ARHGAP10: variants seen among roughly 807,000 people sequenced by gnomAD.
The protein encoded by ARHGAP10 is Rho GTPase activating protein 10.
Under a neutral mutation model 108.6 loss-of-function variants are expected in ARHGAP10, and 87 were observed. The ratio of observed to expected loss-of-function variants is 0.80; its 90% CI spans 0.67 to 0.96. The LOEUF (loss-of-function observed/expected upper bound fraction) is 0.96, where lower values mean the gene tolerates loss of function less well. Among genes scored for constraint, ARHGAP10 ranks in the 40% least tolerant of loss-of-function variants. The probability of loss-of-function intolerance (pLI) is 0.00; values close to 1 mark genes in which losing one functional copy is unlikely to be tolerated. For missense variants in ARHGAP10, 939 were observed against 954.5 expected, an observed-to-expected ratio of 0.98 and a Z score of 0.21; for synonymous variants, 347 against 341.1, an observed-to-expected ratio of 1.02 and a Z score of -0.19.
chr4:148,038,909 G>GT (rs67176657), intron 19 of ARHGAP10, among the ~76,000 whole-genome samples: 12 of 147,190 alleles, frequency 8.2e-5, no homozygotes, highest in South Asian at 4.2e-4. Flanking sequence ...TAAAATGACA[G>GT]TTTTTTTTGT....
intron 16 of ARHGAP10, among the ~76,000 whole-genome samples, chr4:147,956,644 G>A (rs958604754): frequency 6.6e-6 from 1 of 151,834 alleles, no homozygotes; most frequent in Non-Finnish European, 1.5e-5. Context: ...GTTTCATGTT[G>A]TTTGCCTTAG....
intron 1 of ARHGAP10, chr4:147,782,676 G>C (rs1730586176): frequency 6.6e-6 from 1 of 152,040 alleles, no homozygotes; most frequent in Non-Finnish European, 1.5e-5. Context: ...AGTCTGAGAT[G>C]CCCAGTACTG....
In ARHGAP10 at chr4:148,063,250, C is replaced by T; in HGVS notation, c.2130C>T (p.Ser710=). 2 of 1,614,178 alleles carry T rather than the reference C, an allele frequency of 1.2e-6. No homozygotes were observed. The highest frequency in any genetic ancestry group is 4.5e-5 in the East Asian group (2 of 44,886). ...TGACACCTCTTTCACCCGGGTCGTC[C>T]CCTTTCCCCTTTTCTCCTCCTGCTA... ...SAVTPLSPGS[S]PFPFSPPATV... is the part of the protein sequence containing the mutation. The change falls in exon 21 of 23, where the codon TCC becomes TCT. Residue 710 remains serine (S), a synonymous_variant. Transcript: ENST00000336498.
At chr4:147,921,064 C>T (rs930747775) in intron 13 of ARHGAP10, among the ~76,000 whole-genome samples, 21 of 152,122 alleles carry the variant, frequency 1.4e-4, no homozygotes, top group African/African-American at 5.1e-4. Flanking sequence ...CATGGGATGC[C>T]CCAGGGTTCT....
At chr4:147,783,643 A>G (rs1238801397) in intron 1 of ARHGAP10, among the ~76,000 whole-genome samples, 2 of 146,256 alleles carry the variant, frequency 1.4e-5, no homozygotes, top group African/African-American at 4.9e-5. Context: ...TGTGTATTGT[A>G]TAATTTATAG....
At chr4:147,897,843 A>G (rs1401085030) in intron 10 of ARHGAP10, among the ~76,000 whole-genome samples, 1 of 152,056 alleles carries the variant, frequency 6.6e-6, no homozygotes, top group African/African-American at 2.4e-5. Flanking sequence ...ATGTGGGTGT[A>G]ACTTTTTTTG....
chr4:147,977,471 G>A (rs1411937306), intron 18 of ARHGAP10, among the ~76,000 whole-genome samples: 2 of 152,096 alleles, frequency 1.3e-5, no homozygotes, highest in Admixed American at 1.3e-4. Context: ...AGATAAAATT[G>A]GGAGCAATAA....
At chr4:147,793,320 AT>A (rs34193686) in intron 1 of ARHGAP10, among the ~76,000 whole-genome samples, 111,140 of 145,156 alleles carry the variant, frequency 0.77, 44,903 homozygotes, top group Non-Finnish European at 0.89. Flanking sequence ...ATATATATAT[AT>A]TTTTTTTTTT....
chr4:147,961,401 C>A (rs925307394), intron 16 of ARHGAP10, among the ~76,000 whole-genome samples: 1 of 152,118 alleles, frequency 6.6e-6, no homozygotes, highest in South Asian at 2.1e-4. Flanking sequence ...TCTTTTTTCC[C>A]TGATTGGTTT....
chr4:147,797,594 G>C (rs542037993), intron 1 of ARHGAP10, among the ~76,000 whole-genome samples: 5 of 152,182 alleles, frequency 3.3e-5, no homozygotes, highest in African/African-American at 7.2e-5. Flanking sequence ...TGTATTTTTA[G>C]TAGAGACGGG....
chr4:147,846,081 G>A (rs1280921024), intron 3 of ARHGAP10, among the ~76,000 whole-genome samples: 1 of 152,158 alleles, frequency 6.6e-6, no homozygotes, highest in Non-Finnish European at 1.5e-5. Context: ...AATTATCCAG[G>A]TGGGAGTGAG....
At chr4:147,915,998 A>G (rs116036892) in intron 13 of ARHGAP10, among the ~76,000 whole-genome samples, 1 of 152,146 alleles carries the variant, frequency 6.6e-6, no homozygotes, top group Non-Finnish European at 1.5e-5. Context: ...AGTGACAGCT[A>G]CTCAGGAGGC....
intron 15 of ARHGAP10, among the ~76,000 whole-genome samples, chr4:147,949,291 G>T (rs1037656457): frequency 6.6e-6 from 1 of 152,212 alleles, no homozygotes; most frequent in Non-Finnish European, 1.5e-5. Flanking sequence ...TGGTAAAAAT[G>T]AATCTTGTTA....
chr4:147,999,813 C>T (rs1006302017), intron 18 of ARHGAP10, among the ~76,000 whole-genome samples: 2 of 152,188 alleles, frequency 1.3e-5, no homozygotes, highest in African/African-American at 2.4e-5. Flanking sequence ...GACCCCTGCC[C>T]TGCCCCCCTC....
chr4:147,776,408 T>C (rs1487309502), intron 1 of ARHGAP10, among the ~76,000 whole-genome samples: 3 of 152,068 alleles, frequency 2.0e-5, no homozygotes, highest in Admixed American at 1.3e-4. Context: ...TTAGTAGAGA[T>C]GTGGTTTTAC....
intron 3 of ARHGAP10, among the ~76,000 whole-genome samples, chr4:147,840,770 G>A (rs1733379940): frequency 6.6e-6 from 1 of 152,162 alleles, no homozygotes; most frequent in Non-Finnish European, 1.5e-5. Flanking sequence ...TCCTAACGGC[G>A]CTACTTTTGA....
intron 1 of ARHGAP10, among the ~76,000 whole-genome samples, chr4:147,754,438 A>G (rs1477621632): frequency 2.0e-5 from 3 of 152,180 alleles, no homozygotes; most frequent in Middle Eastern, 3.2e-3. Context: ...AGGCTTAGAA[A>G]GGAGTCAGTG....
chr4:147,781,681 C>CTTTTTTTTTTTTTTTTTTTTTTT (rs56781517), intron 1 of ARHGAP10, among the ~76,000 whole-genome samples: 3 of 130,586 alleles, frequency 2.3e-5, no homozygotes, highest in African/African-American at 8.6e-5. Flanking sequence ...CTTTTCTTTT[C>CTTTTTTTTTTTTTTTTTTTTTTT]TTTTTTTTTT....
At chr4:147,931,287 G>A (rs1392990171) in intron 13 of ARHGAP10, among the ~76,000 whole-genome samples, 5 of 146,072 alleles carry the variant, frequency 3.4e-5, no homozygotes, top group Admixed American at 2.8e-4. Flanking sequence ...CTATCAGAAC[G>A]AATCTCAATC....
Sources: allele counts gnomAD v4.1 joint callset (sites outside exome capture counted in the v4.1 genomes callset), GRCh38; gene constraint gnomAD v4.1.1; transcripts MANE v1.5; gene names NCBI Gene and HGNC (gene_info 2026-07-23, HGNC 2026-07-21).